The following TF variants were observed in gnomAD, a reference collection of about 807,000 sequenced individuals.
The protein encoded by TF is transferrin.
A neutral mutation model predicts 82.4 loss-of-function variants in TF; 55 were observed. The ratio of observed to expected loss-of-function variants is 0.67; its 90% CI spans 0.54 to 0.84. The LOEUF (loss-of-function observed/expected upper bound fraction) is 0.84, where lower values mean the gene tolerates loss of function less well. TF is among the 40% of genes least tolerant of loss of function. The probability of loss-of-function intolerance (pLI) is 0.00; values close to 1 mark genes in which losing one functional copy is unlikely to be tolerated. For missense variants in TF, 737 were observed against 868.4 expected (o/e 0.85, Z 1.90); for synonymous variants, 332 against 332.6 (o/e 1.00, Z 0.02).
intron 1 of TF, chr3:133,748,176 C>T (rs1933557297): frequency 1.7e-6 from 1 of 577,232 alleles, no homozygotes; most frequent in Non-Finnish European, 3.1e-6. Context: ...ATGGCCATGC[C>T]TGCACCCCTC....
At chr3:133,724,202 C>A in the TF span, among the ~76,000 whole-genome samples, 4 of 152,170 alleles carry the variant, frequency 2.6e-5, no homozygotes, top group Non-Finnish European at 5.9e-5. Flanking sequence ...AATGGTATTT[C>A]TAGTTCTAGA....
At chr3:133,761,931 G>C (rs1934005663) in intron 9 of TF, 1 of 162,886 alleles carries the variant, frequency 6.1e-6, no homozygotes, top group East Asian at 1.7e-4. Flanking sequence ...GAACTGGGAG[G>C]AAGGTGGATA....
At chr3:133,762,385 G>A (rs1160190339) in intron 9 of TF, 1 of 152,904 alleles carries the variant, frequency 6.5e-6, no homozygotes, top group Non-Finnish European at 1.5e-5. Context: ...CTTTATGTGA[G>A]GTTTCGCTTT....
the TF span, among the ~76,000 whole-genome samples, chr3:133,686,658 C>T: frequency 6.6e-6 from 1 of 152,222 alleles, no homozygotes; most frequent in East Asian, 1.9e-4. Context: ...GATACCATCT[C>T]ACACCAGTTA....
the TF span, among the ~76,000 whole-genome samples, chr3:133,738,664 C>T: frequency 6.6e-6 from 1 of 152,096 alleles, no homozygotes; most frequent in Admixed American, 6.5e-5. Context: ...TCCTATACAC[C>T]AATAACAGAC....
upstream of TF, among the ~76,000 whole-genome samples, chr3:133,742,233 C>G (rs180888507): frequency 2.4e-3 from 373 of 152,290 alleles, 1 homozygote; most frequent in African/African-American, 8.6e-3. Context: ...CCTCCTGCCT[C>G]AGGCTTCCAA....
At chr3:133,684,420 T>A in the TF span, among the ~76,000 whole-genome samples, 1 of 152,056 alleles carries the variant, frequency 6.6e-6, no homozygotes, top group Admixed American at 6.5e-5. Flanking sequence ...CAGGAGCTGG[T>A]TTTTTGAAAA....
In TF at chr3:133,775,429, C is replaced by A. The variant is rs185023567; in HGVS notation, c.1688-4C>A. 5.1e-3 allele frequency: 8,301 copies of A among 1,614,130 alleles called. 20 individuals are homozygous for A. The highest frequency in any genetic ancestry group is 6.2e-3 in the Non-Finnish European group (7,367 of 1,180,000). ...CAGCTGAACCACCTTCTTCCTGTCC[C>A]TAGGAAAAAACCCTGATCCATGGGC... On this transcript the variant is annotated splice_polypyrimidine_tract_variant and splice_region_variant and intron_variant, in intron 14 of 16. Coordinates refer to ENST00000402696, the MANE Select transcript of TF (RefSeq NM_001063.4).
rs751038405 is a variant in TF at position 133,754,585 on chromosome 3, C to T, written c.416C>T (p.Thr139Met). The T allele has an allele frequency of 7.4e-6, 12 of 1,614,148 alleles. No homozygotes were observed. The highest frequency in any genetic ancestry group is 2.2e-5 in the East Asian group (1 of 44,886). Reference protein sequence around the residue: ...NQLRGKKSCHTGLGRSAGWNI... With the variant: ...NQLRGKKSCHMGLGRSAGWNI... Reference sequence around the variant, plus strand: ...CTTCGAGGCAAGAAGTCCTGCCACACGGGTCTAGGCAGGTCCGCTGGGTGG... The same window carrying T: ...CTTCGAGGCAAGAAGTCCTGCCACATGGGTCTAGGCAGGTCCGCTGGGTGG... The change falls in exon 4 of 17, where the codon ACG (threonine) becomes ATG (methionine). Residue 139 changes from threonine to methionine, a missense_variant. Coordinates refer to ENST00000402696, the MANE Select transcript of TF (RefSeq NM_001063.4).
At chr3:133,734,008 A>G in the TF span, among the ~76,000 whole-genome samples, 8 of 152,288 alleles carry the variant, frequency 5.3e-5, no homozygotes, top group Middle Eastern at 3.4e-3. Flanking sequence ...ATGAGCAAAG[A>G]GCTGAAAATA....
chr3:133,728,322 G>A, the TF span, among the ~76,000 whole-genome samples: 1 of 152,170 alleles, frequency 6.6e-6, no homozygotes, highest in Non-Finnish European at 1.5e-5. Context: ...TGTTCACATA[G>A]TCCCATATTT....
chr3:133,786,706 GTGGGT>G lies in TF; in HGVS notation c.*8089_*8093del, dbSNP rs140209569. On this transcript the variant is annotated 3_prime_UTR_variant, in exon 17 of 17. Coordinates refer to ENST00000402696, the MANE Select transcript of TF (RefSeq NM_001063.4). ...CTGAAAATTTGAGCATTATTGCCCA[GTGGGT>G]TGATGGAGATGGGAAGGTGTAGGCC... 7.1e-3 allele frequency: 1,082 copies of G among 152,346 alleles called. 2 individuals are homozygous for G. The highest frequency in any genetic ancestry group is 0.011 in the Non-Finnish European group (739 of 68,030). The allele number at this position is 152,346 out of a possible 1,614,324, so 9.4% of individuals were successfully genotyped here.
At chr3:133,680,056 C>T in the TF span, among the ~76,000 whole-genome samples, 1 of 152,092 alleles carries the variant, frequency 6.6e-6, no homozygotes, top group Non-Finnish European at 1.5e-5. Flanking sequence ...TCTGGGGACT[C>T]ATGATGTGAG....
chr3:133,683,773 G>A, the TF span, among the ~76,000 whole-genome samples: 9 of 152,212 alleles, frequency 5.9e-5, 1 homozygote, highest in African/African-American at 2.2e-4. Flanking sequence ...ACACCCCCCT[G>A]TCAACATTAG....
the TF span, among the ~76,000 whole-genome samples, chr3:133,707,329 G>A: frequency 8.9e-3 from 1,349 of 152,278 alleles, 12 homozygotes; most frequent in Non-Finnish European, 0.016. Context: ...GTCATGGACC[G>A]CAGTGTGGTA....
chr3:133,718,028 C>T, the TF span, among the ~76,000 whole-genome samples: 7 of 151,838 alleles, frequency 4.6e-5, no homozygotes, highest in Middle Eastern at 3.4e-3. Context: ...GATGGGAGCA[C>T]GTTTAATCAT....
chr3:133,707,867 A>C, the TF span, among the ~76,000 whole-genome samples: 1 of 152,228 alleles, frequency 6.6e-6, no homozygotes, highest in African/African-American at 2.4e-5. Context: ...CAAGGCAAGA[A>C]TGCCCACTCC....
rs150854910 is a variant in TF at position 133,757,925 on chromosome 3, C to T, written c.1027C>T (p.Arg343Trp). The change falls in exon 8 of 17, where the codon CGG (arginine) becomes TGG (tryptophan). Residue 343 changes from arginine to tryptophan, a missense_variant. Transcript: ENST00000402696. ...YLGYEYVTAI[R>W]NLREGTCPEA... ...GGGCTATGAGTATGTCACTGCCATCCGGAATCTACGGGAAGGCACATGTGA... is the reference window on the plus strand; with the variant it reads ...GGGCTATGAGTATGTCACTGCCATCTGGAATCTACGGGAAGGCACATGTGA... 1.0e-3 allele frequency: 1,693 copies of T among 1,614,156 alleles called. 2 individuals are homozygous for T. The highest frequency in any genetic ancestry group is 1.3e-3 in the Non-Finnish European group (1,570 of 1,180,032).
chr3:133,695,086 G>C, the TF span, among the ~76,000 whole-genome samples: 8 of 151,948 alleles, frequency 5.3e-5, no homozygotes, highest in African/African-American at 1.9e-4. Flanking sequence ...AGGAAAGACT[G>C]ATACTCAGGA....
Sources: gnomAD v4.1 joint callset for allele counts (sites outside exome capture counted in the v4.1 genomes callset) on GRCh38, gnomAD v4.1.1 for gene constraint, MANE v1.5 for transcripts, NCBI Gene and HGNC (gene_info 2026-07-23, HGNC 2026-07-21) for gene names.